HDAC2: variants seen among roughly 807,000 people sequenced by gnomAD.
The protein encoded by HDAC2 is histone deacetylase 2, also known as YY1-associated factor 1.
Under a neutral mutation model 68.5 loss-of-function variants are expected in HDAC2, and 5 were observed. The observed-to-expected ratio is 0.07, with a 90% confidence interval of 0.04 to 0.15. The LOEUF (loss-of-function observed/expected upper bound fraction) is 0.15. Among genes scored for constraint, HDAC2 ranks in the 10% least tolerant of loss-of-function variants. HDAC2 has a pLI of 1.00. For missense variants in HDAC2, 291 were observed against 600.8 expected, an observed-to-expected ratio of 0.48 and a Z score of 5.39; for synonymous variants, 182 against 191.3, an observed-to-expected ratio of 0.95 and a Z score of 0.40.
Position 113,943,365 on chromosome 6 carries a change from T to A in HDAC2, c.1364A>T (p.Glu455Val). The A allele has an allele frequency of 6.3e-7, 1 of 1,599,570 alleles. No homozygotes were observed. The highest frequency in any genetic ancestry group is 2.2e-5 in the East Asian group (1 of 44,646). ...ACAAATCTGACCTGTTTTTTTGTCC[T>A]CTGTTTCTTTCTTATCTTCTTCAAT... ...ARIEEDKKET[E>V]DKKTDVKEED... The change falls in exon 12 of 14, where the codon GAG becomes GTG. Residue 455 changes from glutamate to valine, a missense_variant. Coordinates refer to ENST00000519065, the MANE Select transcript of HDAC2 (RefSeq NM_001527.4).
chr6:113,937,849 A>G lies in HDAC2; in HGVS notation c.*3209T>C, dbSNP rs564521469. ...CCTGGGTGACCGAGATCCTTTCTCT[A>G]AAAAAAAGAGATAAACAGCCAGGTG... On this transcript the variant is annotated 3_prime_UTR_variant, in exon 14 of 14. Coordinates refer to ENST00000519065, the MANE Select transcript of HDAC2 (RefSeq NM_001527.4). 6.6e-6 allele frequency: 1 copy of G among 151,998 alleles called. No homozygotes were observed. The highest frequency in any genetic ancestry group is 1.5e-5 in the Non-Finnish European group (1 of 68,028). The allele number at this position is 151,998 out of a possible 1,614,324, so 9.4% of individuals were successfully genotyped here. A position where few individuals can be genotyped will look rare whatever the true frequency, so the allele number is the denominator to read the frequency against.
At chr6:113,970,814 C>T in intron 1 of HDAC2, 43 bp downstream of exon 1, 1 of 1,511,194 alleles carries the variant, frequency 6.6e-7, no homozygotes, top group Non-Finnish European at 8.8e-7. Context: ...GAACCCAGCG[C>T]CCGGCCCCGC....
intron 5 of HDAC2, among the ~76,000 whole-genome samples, chr6:113,955,049 C>T (rs1776516277): frequency 6.6e-6 from 1 of 152,186 alleles, no homozygotes; most frequent in Admixed American, 6.5e-5. Context: ...TCCTTTAACA[C>T]TGGCTTCAAA....
intron 1 of HDAC2, among the ~76,000 whole-genome samples, chr6:113,967,454 AT>A (rs1380984677): frequency 6.6e-6 from 1 of 152,208 alleles, no homozygotes; most frequent in Non-Finnish European, 1.5e-5. Flanking sequence ...TTGTATTTAT[AT>A]AGTTTTATCT....
chr6:113,962,745 C>A (rs942386000), intron 1 of HDAC2, among the ~76,000 whole-genome samples: 1 of 151,816 alleles, frequency 6.6e-6, no homozygotes, highest in South Asian at 2.1e-4. Context: ...GGGCAGATCA[C>A]GAAGTCAAGA....
chr6:113,961,974 C>G (rs1776693941), intron 1 of HDAC2, among the ~76,000 whole-genome samples: 1 of 151,696 alleles, frequency 6.6e-6, no homozygotes, highest in African/African-American at 2.4e-5. Context: ...TAACATCTAC[C>G]ACATCATAAC....
intron 6 of HDAC2, among the ~76,000 whole-genome samples, chr6:113,949,524 G>T (rs916690783): frequency 9.9e-5 from 1 of 10,106 alleles, no homozygotes; most frequent in African/African-American, 3.4e-4. Context: ...TGACAGAAAA[G>T]AAATTTAACA....
intron 2 of HDAC2, 47 bp from the exon 3 acceptor site, chr6:113,958,813 T>G: frequency 9.9e-7 from 1 of 1,012,850 alleles, no homozygotes; most frequent in Non-Finnish European, 1.6e-6. Flanking sequence ...CAACCGGTTA[T>G]ATCAGTATTA....
At position 113,944,298 on chromosome 6, in the gene HDAC2, G is replaced by C; in HGVS notation, c.1204C>G (p.Pro402Ala). ...EDSGDEDGED[P>A]DKRISIRASD... is the part of the protein sequence containing the mutation. ...ATCTTACTAGAAATTCTCTTGTCTG[G>C]ATCTTCTCCATCTTCATCTCCACTG... The change falls in exon 11 of 14, where the codon CCA (proline) becomes GCA (alanine). Residue 402 changes from proline to alanine, a missense_variant. Physicochemically the swap from Pro to Ala is conservative, Grantham distance 27 (BLOSUM62 -1). This residue lies in a region of HDAC2 where 137 missense variants were observed against 128.7 expected (regional missense o/e 1.06). Transcript: ENST00000519065. 1 of 1,611,994 alleles carries C rather than the reference G, an allele frequency of 6.2e-7. No individual in the cohort carries two copies. Among genetic ancestry groups the C allele is most frequent in the Non-Finnish European group, 8.5e-7 (1 of 1,178,252 alleles).
rs1179600897 is a variant in HDAC2, at chr6:113,934,362, A to C, written c.*6696T>G. ...CCTAGTCAGTTTCATAGATTTAGTAAACTGAAGCACAGAAATTTAAATGAC... is the reference window on the plus strand; with the variant it reads ...CCTAGTCAGTTTCATAGATTTAGTACACTGAAGCACAGAAATTTAAATGAC... On this transcript the variant is annotated 3_prime_UTR_variant, in exon 14 of 14. Coordinates refer to ENST00000519065, the MANE Select transcript of HDAC2 (RefSeq NM_001527.4). 6.6e-6 allele frequency: 1 copy of C among 152,200 alleles called. No homozygotes were observed. Among genetic ancestry groups the C allele is most frequent in the African/African-American group, 2.4e-5 (1 of 41,458 alleles). 9.4% of individuals were successfully genotyped at this position (152,200 alleles called of 1,614,324 possible).
At chr6:113,963,415 A>G (rs1289425913) in intron 1 of HDAC2, among the ~76,000 whole-genome samples, 1 of 152,168 alleles carries the variant, frequency 6.6e-6, no homozygotes, top group African/African-American at 2.4e-5. Context: ...AAGGCTAAGA[A>G]GTTTTAAGAC....
Position 113,933,361 on chromosome 6 carries a change from G to T in HDAC2, c.*7697C>A, listed in dbSNP as rs1775934894. The T allele has an allele frequency of 6.6e-6, 1 of 152,122 alleles. No homozygotes were observed. Among genetic ancestry groups the T allele is most frequent in the Admixed American group, 6.5e-5 (1 of 15,272 alleles). 9.4% of individuals were successfully genotyped at this position (152,122 alleles called of 1,614,324 possible). A position where few individuals can be genotyped will look rare whatever the true frequency, so the allele number is the denominator to read the frequency against. On this transcript the variant is annotated 3_prime_UTR_variant, in exon 14 of 14. Transcript: ENST00000519065. Reference sequence around the variant, plus strand: ...CTGAGATATTCTACAAGGCCAGAGGGTTAAGTGACTTTCCAAATTTCACAG... The same window carrying T: ...CTGAGATATTCTACAAGGCCAGAGGTTTAAGTGACTTTCCAAATTTCACAG...
intron 1 of HDAC2, among the ~76,000 whole-genome samples, chr6:113,967,164 G>A (rs7744487): frequency 0.092 from 13,881 of 151,082 alleles, 695 homozygotes; most frequent in South Asian, 0.13. Context: ...TTTTTGAGAC[G>A]GAGTTTCGCT....
chr6:113,953,545 A>T, intron 5 of HDAC2, 127 bp from the exon 6 acceptor site: 2 of 581,690 alleles, frequency 3.4e-6, no homozygotes. Context: ...TTTTACATTC[A>T]GCCTAAGAGG....
At position 113,951,658 on chromosome 6, in the gene HDAC2, G is replaced by A. The variant is rs556627498; in HGVS notation, c.639+1619C>T. 2.6e-5 allele frequency among the ~76,000 whole-genome samples: 4 copies of A among 152,014 alleles called. No homozygotes were observed. The East Asian group carries it at 7.8e-4, about 30-fold the overall frequency. The stretch of plus-strand genomic sequence containing the variant: ...AATTTTTTGTATTTTTAGTGGAGAC[G>A]GGGTGTCACTGTGTTAGCCAGGATG... On this transcript the variant is annotated intron_variant, in intron 6 of 13. Coordinates refer to ENST00000519065, the MANE Select transcript of HDAC2 (RefSeq NM_001527.4).
chr6:113,939,673 T>C lies in HDAC2; in HGVS notation c.*1385A>G, dbSNP rs568229229. 274 of 152,244 alleles carry C rather than the reference T, an allele frequency of 1.8e-3. 1 individual carries two copies. Among genetic ancestry groups the C allele is most frequent in the African/African-American group, 6.1e-3 (253 of 41,530 alleles). The allele number at this position is 152,244 out of a possible 1,614,324, so 9.4% of individuals were successfully genotyped here. A position where few individuals can be genotyped will look rare whatever the true frequency, so the allele number is the denominator to read the frequency against. On this transcript the variant is annotated 3_prime_UTR_variant, in exon 14 of 14. Coordinates refer to ENST00000519065, the MANE Select transcript of HDAC2 (RefSeq NM_001527.4). ...ATAAAATAATCACAATGGTGATTAC[T>C]TCTTAAGGCTGGGAGGGAGGGAGGA...
At chr6:113,956,207 A>T in intron 4 of HDAC2, 56 bp from the exon 5 acceptor site, 1 of 1,429,768 alleles carries the variant, frequency 7.0e-7, no homozygotes, top group Non-Finnish European at 9.5e-7. Flanking sequence ...AAAGTAGTAG[A>T]ATGAGACAAA....
At chr6:113,957,607 TAC>T (rs1776585985) in intron 3 of HDAC2, among the ~76,000 whole-genome samples, 1 of 152,050 alleles carries the variant, frequency 6.6e-6, no homozygotes, top group Admixed American at 6.6e-5. Flanking sequence ...TGTCTCAGCC[TAC>T]AGAGTAGTGG....
intron 12 of HDAC2, among the ~76,000 whole-genome samples, chr6:113,941,996 G>C (rs977302200): frequency 6.6e-6 from 1 of 151,876 alleles, no homozygotes. Flanking sequence ...CTAACTCTAG[G>C]TTTTGACCTA....
Sources: allele counts gnomAD v4.1 joint callset (sites outside exome capture counted in the v4.1 genomes callset), GRCh38; gene constraint gnomAD v4.1.1; regional missense constraint gnomAD v4.1.1; transcripts MANE v1.5; gene names NCBI Gene and HGNC (gene_info 2026-07-23, HGNC 2026-07-21).